The following CUL4A variants were observed in gnomAD, a reference collection of about 807,000 sequenced individuals.
CUL4A encodes cullin-4A.
In CUL4A, 16 loss-of-function variants were observed where a neutral mutation model predicts 95.5. That is an observed-to-expected ratio of 0.17 (90% confidence interval 0.11 to 0.25). The LOEUF (loss-of-function observed/expected upper bound fraction) is 0.25, where lower values mean the gene tolerates loss of function less well. Among genes scored for constraint, CUL4A ranks in the 10% least tolerant of loss-of-function variants. CUL4A has a pLI of 1.00. For synonymous variants in CUL4A, 380 were observed against 353.1 expected (o/e 1.08, Z -0.85); for missense variants, 610 against 937.0 (o/e 0.65, Z 4.56).
intron 3 of CUL4A, among the ~76,000 whole-genome samples, chr13:113,220,743 C>T (rs906517822): frequency 6.6e-6 from 1 of 152,156 alleles, no homozygotes; most frequent in African/African-American, 2.4e-5. Flanking sequence ...ACTAATGTGC[C>T]ATCAGTTCAC....
chr13:113,208,854 C>T (rs1427849797), upstream of CUL4A: 3 of 1,405,582 alleles, frequency 2.1e-6, no homozygotes, highest in Non-Finnish European at 2.8e-6. Flanking sequence ...AGCCGGGACG[C>T]CAGCGGCTCT....
intron 8 of CUL4A, among the ~76,000 whole-genome samples, chr13:113,235,941 A>C (rs1021552037): frequency 4.0e-5 from 6 of 151,638 alleles, no homozygotes; most frequent in Non-Finnish European, 7.4e-5. Flanking sequence ...ACTGCACTCC[A>C]GCCTGGGCGA....
At chr13:113,220,680 C>G (rs918537159) in intron 3 of CUL4A, among the ~76,000 whole-genome samples, 2 of 152,238 alleles carry the variant, frequency 1.3e-5, no homozygotes, top group African/African-American at 4.8e-5. Context: ...AAACGACTAT[C>G]TGATTACCTG....
At chr13:113,247,699 C>A (rs2041891606) in intron 15 of CUL4A, among the ~76,000 whole-genome samples, 1 of 152,304 alleles carries the variant, frequency 6.6e-6, no homozygotes, top group African/African-American at 2.4e-5. Context: ...TCAAAGAAAG[C>A]CAGGCAGCCT....
At chr13:113,245,794 G>A (rs766413339) in intron 14 of CUL4A, among the ~76,000 whole-genome samples, 162 bp from the exon 15 acceptor site, 7 of 152,212 alleles carry the variant, frequency 4.6e-5, no homozygotes, top group Non-Finnish European at 1.0e-4. Flanking sequence ...GAAAAAGGCA[G>A]TCCTAGTGAG....
At chr13:113,241,965 GTTTA>G (rs1167890082) in intron 10 of CUL4A, among the ~76,000 whole-genome samples, 3 of 151,768 alleles carry the variant, frequency 2.0e-5, no homozygotes, top group Non-Finnish European at 4.4e-5. Context: ...AATGTTAACT[GTTTA>G]TTAGTGCCCT....
In CUL4A at chr13:113,244,338, A is replaced by G. The variant is rs2041800945; in HGVS notation, c.1229-72A>G. The G allele has an allele frequency of 6.5e-6, 7 of 1,070,378 alleles. No homozygotes were observed. The Admixed American group carries it at 8.3e-5, about 13-fold the overall frequency. The allele number at this position is 1,070,378 out of a possible 1,614,324, so 66.3% of individuals were successfully genotyped here. Reference sequence around the variant, plus strand: ...GAAGGTTCCAGAATGTTCCTGTACAATGTTGCTAATAGAAATTGAAGATGC... The same window carrying G: ...GAAGGTTCCAGAATGTTCCTGTACAGTGTTGCTAATAGAAATTGAAGATGC... On this transcript the variant is annotated intron_variant, in intron 11 of 19. Transcript: ENST00000375440.
At chr13:113,248,564 A>G (rs1421339394) in intron 15 of CUL4A, among the ~76,000 whole-genome samples, 1 of 152,070 alleles carries the variant, frequency 6.6e-6, no homozygotes, top group Admixed American at 6.6e-5. Context: ...TTAACATTCA[A>G]GTTACCTTTT....
At position 113,233,294 on chromosome 13, in the gene CUL4A, CCGGAGCCTGTTG is replaced by C. The variant is rs1348348837; in HGVS notation, c.639_650del (p.Arg215_Leu218del). 1 of 1,613,634 alleles carries C rather than the reference CCGGAGCCTGTTG, an allele frequency of 6.2e-7. No homozygotes were observed. ...GCGAGAGGAGCGGCGAGGCCGTGGA[CCGGAGCCTGTTG>C]CGGAGCCTCCTGGGCATGCTGTCTG... On this transcript the variant is annotated inframe_deletion, in exon 6 of 20. Transcript: ENST00000375440.
chr13:113,231,789 G>A (rs992777900), intron 5 of CUL4A, among the ~76,000 whole-genome samples: 2 of 152,142 alleles, frequency 1.3e-5, no homozygotes, highest in Non-Finnish European at 2.9e-5. Flanking sequence ...TCCAACTGTG[G>A]TGAAGTGCAC....
chr13:113,230,978 G>A (rs1227776319), intron 5 of CUL4A, among the ~76,000 whole-genome samples: 2 of 151,964 alleles, frequency 1.3e-5, no homozygotes, highest in Non-Finnish European at 2.9e-5. Context: ...TTGCTATGTT[G>A]CCCAGGCTGG....
At chr13:113,260,211 A>AAAAAAACAAACAAAAAAAAAAAC (rs1555307267) in intron 18 of CUL4A, among the ~76,000 whole-genome samples, 1 of 119,510 alleles carries the variant, frequency 8.4e-6, no homozygotes, top group African/African-American at 3.6e-5. Context: ...CTCAAAAAAA[A>AAAAAAACAAACAAAAAAAAAAAC]AAAAAAAACC....
rs78529842 is a variant in CUL4A at position 113,229,976 on chromosome 13, T to C, written c.512+457T>C. 6,328 of 331,344 alleles carry C rather than the reference T, an allele frequency of 0.019. 514 individuals carry two copies. In the East Asian group the frequency reaches 0.19, roughly 10 times the overall value. The allele number at this position is 331,344 out of a possible 1,614,324, so 20.5% of individuals were successfully genotyped here. On this transcript the variant is annotated intron_variant, in intron 5 of 19. Coordinates refer to ENST00000375440, the MANE Select transcript of CUL4A (RefSeq NM_001008895.4). ...CGTCCGTCATCTTTCGGGGACTGTA[T>C]ACACCAGGGGTTCTGGGGCCTTTCC...
intron 18 of CUL4A, among the ~76,000 whole-genome samples, chr13:113,258,849 G>A (rs1477914793): frequency 2.6e-5 from 4 of 152,208 alleles, no homozygotes; most frequent in African/African-American, 4.8e-5. Context: ...TCTGGCTGCA[G>A]CATCGTTGCC....
rs1166928710 is a variant in CUL4A at position 113,210,023 on chromosome 13, C to T, written c.199C>T (p.His67Tyr). The T allele has an allele frequency of 6.6e-7, 1 of 1,526,352 alleles. No homozygotes were observed. The highest frequency in any genetic ancestry group is 8.8e-7 in the Non-Finnish European group (1 of 1,137,670). 94.6% of individuals were successfully genotyped at this position (1,526,352 alleles called of 1,614,324 possible). The change falls in exon 2 of 20, where the codon CAC becomes TAC. Residue 67 changes from histidine to tyrosine, a missense_variant. Physicochemically the swap from His to Tyr is moderately conservative, Grantham distance 83. This residue lies in a region of CUL4A where 168 missense variants were observed against 185.5 expected (regional missense o/e 0.91). Transcript: ENST00000375440. Reference protein sequence around the residue: ...NYTQDTWRKLHEAVRAVQSST... With the variant: ...NYTQDTWRKLYEAVRAVQSST... The stretch of plus-strand genomic sequence containing the variant: ...CACGCAGGACACGTGGCGGAAGCTG[C>T]ACGAGGCGGTGCGGGCCGTGCAGAG...
At chr13:113,214,633 G>A (rs563483075) in intron 2 of CUL4A, among the ~76,000 whole-genome samples, 7 of 152,156 alleles carry the variant, frequency 4.6e-5, no homozygotes, top group Non-Finnish European at 5.9e-5. Context: ...GATTCCAGGC[G>A]TGAGCCATTG....
intron 7 of CUL4A, among the ~76,000 whole-genome samples, chr13:113,234,591 G>T (rs914602378): frequency 2.0e-5 from 3 of 152,178 alleles, no homozygotes; most frequent in African/African-American, 7.2e-5. Context: ...GGCCTTTCCC[G>T]CACTGTCTTG....
rs1401192698 is a variant in CUL4A, at chr13:113,263,549, A to T, written c.2247A>T (p.Lys749Asn). 2 of 1,607,954 alleles carry T rather than the reference A, an allele frequency of 1.2e-6. No homozygotes were observed. Among genetic ancestry groups the T allele is most frequent in the Admixed American group, 3.4e-5 (2 of 58,974 alleles). The part of the protein sequence containing the change: ...LIDRDYMERD[K>N]DNPNQYHYVA ...ACAGAGACTATATGGAGAGAGACAA[A>T]GACAATCCGAATCAGTACCACTACG... Residue 749 changes from lysine to asparagine, a missense_variant, in exon 20 of 20, where the codon AAA becomes AAT. Around this residue, in one of 10 missense-constraint regions of CUL4A, gnomAD observed 31 missense variants for 40.3 expected, o/e 0.77. Transcript: ENST00000375440.
At chr13:113,258,596 G>C (rs1000808921) in intron 18 of CUL4A, among the ~76,000 whole-genome samples, 7 of 152,146 alleles carry the variant, frequency 4.6e-5, no homozygotes, top group Non-Finnish European at 4.4e-5. Context: ...ATCTGTGGTG[G>C]CCCAGGTCCT....
Sources: allele counts gnomAD v4.1 joint callset (sites outside exome capture counted in the v4.1 genomes callset), GRCh38; gene constraint gnomAD v4.1.1; regional missense constraint gnomAD v4.1.1; transcripts MANE v1.5; gene names NCBI Gene and HGNC (gene_info 2026-07-23, HGNC 2026-07-21).